The following GABRG3 variants were observed in gnomAD, a reference collection of about 807,000 sequenced individuals.
GABRG3 encodes the protein gamma-aminobutyric acid type A receptor subunit gamma3.
Under a neutral mutation model 48.8 loss-of-function variants are expected in GABRG3, and 25 were observed. That is an observed-to-expected ratio of 0.51 (90% CI 0.37 to 0.72). The LOEUF is 0.72. GABRG3 is among the 30% of genes least tolerant of loss of function. The probability of loss-of-function intolerance (pLI) is 0.00; values close to 1 mark genes in which losing one functional copy is unlikely to be tolerated. For synonymous variants in GABRG3, 227 were observed against 217.6 expected (o/e 1.04, Z -0.38); for missense variants, 394 against 577.9 (o/e 0.68, Z 3.26).
chr15:27,387,580 A>T (rs1444885321), intron 5 of GABRG3, among the ~76,000 whole-genome samples: 2 of 151,784 alleles, frequency 1.3e-5, no homozygotes, highest in Non-Finnish European at 2.9e-5. Flanking sequence ...AGGACTTGAT[A>T]CACATGTGTG....
At chr15:27,489,909 C>T (rs2150848675) in intron 6 of GABRG3, among the ~76,000 whole-genome samples, 1 of 152,250 alleles carries the variant, frequency 6.6e-6, no homozygotes, top group South Asian at 2.1e-4. Context: ...GCTTTTGTTG[C>T]CATTGCTTTT....
At position 27,532,857 on chromosome 15, in the gene GABRG3, C is replaced by T. The variant is rs1891461691; in HGVS notation, c.1380C>T (p.Tyr460=). The change falls in exon 10 of 10, where the codon TAC becomes TAT. Residue 460 remains tyrosine (Y), a synonymous_variant. Transcript: ENST00000615808. ...CCTTCCTGCTCTTTAACCTGGTCTA[C>T]TGGGTTGGATACCTGTATCTCTAAG... ...PTSFLLFNLV[Y]WVGYLYL is the part of the protein sequence containing the mutation. 1 of 1,613,876 alleles carries T rather than the reference C, an allele frequency of 6.2e-7. No homozygotes were observed. Among genetic ancestry groups the T allele is most frequent in the Admixed American group, 1.7e-5 (1 of 60,008 alleles).
chr15:27,163,989 A>G (rs1261934533), intron 3 of GABRG3, among the ~76,000 whole-genome samples: 1 of 152,220 alleles, frequency 6.6e-6, no homozygotes, highest in African/African-American at 2.4e-5. Flanking sequence ...GGATGGAAGA[A>G]GGAAATGTCA....
At chr15:27,216,193 C>A (rs1021623303) in intron 3 of GABRG3, among the ~76,000 whole-genome samples, 52 of 152,198 alleles carry the variant, frequency 3.4e-4, no homozygotes, top group Admixed American at 1.8e-3. Context: ...GTGGGCATTG[C>A]AGACCAAATT....
chr15:27,015,036 G>C (rs1415404709), intron 2 of GABRG3, among the ~76,000 whole-genome samples: 1 of 152,042 alleles, frequency 6.6e-6, no homozygotes, highest in Non-Finnish European at 1.5e-5. Context: ...TTTGTGTCTT[G>C]CGACAGTTTT....
chr15:27,292,876 T>C (rs528790330), intron 3 of GABRG3, among the ~76,000 whole-genome samples: 1 of 152,310 alleles, frequency 6.6e-6, no homozygotes, highest in African/African-American at 2.4e-5. Context: ...ACTATTTCCA[T>C]AGCAACTGGG....
chr15:26,998,621 T>C (rs1271110461), intron 2 of GABRG3, among the ~76,000 whole-genome samples: 1 of 152,182 alleles, frequency 6.6e-6, no homozygotes, highest in Non-Finnish European at 1.5e-5. Context: ...GGACCATGCC[T>C]GGCTGGAATA....
intron 3 of GABRG3, among the ~76,000 whole-genome samples, chr15:27,281,378 A>T (rs556896625): frequency 8.5e-5 from 13 of 152,152 alleles, no homozygotes; most frequent in African/African-American, 3.1e-4. Context: ...ATTAAAAATA[A>T]ATAGACTTCA....
Position 27,541,433 on chromosome 15 carries a change from G to C in GABRG3, c.*8552G>C, listed in dbSNP as rs1052140132. The C allele has an allele frequency of 3.3e-5, 5 of 152,402 alleles. No individual in the cohort carries two copies. The highest frequency in any genetic ancestry group is 5.9e-5 in the Non-Finnish European group (4 of 68,186). The allele number at this position is 152,402 out of a possible 1,614,324, so 9.4% of individuals were successfully genotyped here. ...TCAGGGGTCCTGGGAGATGGCCCAG[G>C]CAGGAAGGGAAGGAGAGAGGCGCGG... On this transcript the variant is annotated 3_prime_UTR_variant, in exon 10 of 10. Coordinates refer to ENST00000615808, the MANE Select transcript of GABRG3 (RefSeq NM_033223.5).
At chr15:27,331,563 G>A (rs1893803104) in intron 5 of GABRG3, among the ~76,000 whole-genome samples, 1 of 152,178 alleles carries the variant, frequency 6.6e-6, no homozygotes, top group South Asian at 2.1e-4. Context: ...CAATAGAAAG[G>A]TCAGTGGTTG....
chr15:27,003,471 T>C (rs974991172), intron 2 of GABRG3, among the ~76,000 whole-genome samples: 1 of 151,802 alleles, frequency 6.6e-6, no homozygotes, highest in Admixed American at 6.6e-5. Context: ...AAGCACATCT[T>C]GCACCGCCCT....
intron 5 of GABRG3, among the ~76,000 whole-genome samples, chr15:27,402,248 A>G (rs1451482707): frequency 6.6e-6 from 1 of 152,162 alleles, no homozygotes; most frequent in Non-Finnish European, 1.5e-5. Flanking sequence ...AGTGGACTAT[A>G]TAATTCAGAT....
intron 5 of GABRG3, among the ~76,000 whole-genome samples, chr15:27,401,817 G>A (rs1023212243): frequency 6.7e-6 from 1 of 148,736 alleles, no homozygotes; most frequent in Non-Finnish European, 1.5e-5. Context: ...ATTCATTATT[G>A]ACCAAATAAA....
At chr15:27,252,512 C>T (rs1890492079) in intron 3 of GABRG3, among the ~76,000 whole-genome samples, 1 of 152,230 alleles carries the variant, frequency 6.6e-6, no homozygotes, top group Admixed American at 6.5e-5. Context: ...GATGCATCCG[C>T]CCCACCCCAG....
intron 3 of GABRG3, among the ~76,000 whole-genome samples, chr15:27,189,954 A>G (rs1250311174): frequency 1.3e-5 from 2 of 152,148 alleles, no homozygotes; most frequent in East Asian, 3.8e-4. Flanking sequence ...GAATTTTATC[A>G]AAGGCCTTTT....
chr15:26,984,660 A>G (rs952400234), intron 2 of GABRG3, among the ~76,000 whole-genome samples: 2 of 150,572 alleles, frequency 1.3e-5, no homozygotes, highest in Non-Finnish European at 3.0e-5. Flanking sequence ...GTGAGCTGGG[A>G]AAGGCTGGAG....
chr15:27,023,724 G>A (rs769098726), intron 2 of GABRG3, among the ~76,000 whole-genome samples: 2 of 152,150 alleles, frequency 1.3e-5, no homozygotes, highest in Non-Finnish European at 2.9e-5. Flanking sequence ...ATGAGCACTT[G>A]AACTGTTTCT....
chr15:27,118,234 A>G (rs953845503), intron 3 of GABRG3, among the ~76,000 whole-genome samples: 8 of 152,182 alleles, frequency 5.3e-5, no homozygotes, highest in Non-Finnish European at 7.3e-5. Context: ...AAAAGTGACC[A>G]TGGTTCTCCA....
intron 2 of GABRG3, among the ~76,000 whole-genome samples, chr15:26,977,570 G>A (rs1385592795): frequency 6.6e-6 from 1 of 152,086 alleles, no homozygotes; most frequent in African/African-American, 2.4e-5. Flanking sequence ...CACGTACATG[G>A]AATCATTGAC....
Sources: allele counts gnomAD v4.1 joint callset (sites outside exome capture counted in the v4.1 genomes callset), GRCh38; gene constraint gnomAD v4.1.1; transcripts MANE v1.5; gene names NCBI Gene and HGNC (gene_info 2026-07-23, HGNC 2026-07-21).